RMDN2: variants seen among roughly 807,000 people sequenced by gnomAD.
RMDN2 encodes the protein regulator of microtubule dynamics 2, also known as regulator of microtubule dynamics protein 2.
Under a neutral mutation model 52.8 loss-of-function variants are expected in RMDN2, and 61 were observed. The observed-to-expected ratio is 1.16, with a 90% confidence interval of 0.94 to 1.43. The LOEUF (loss-of-function observed/expected upper bound fraction) is 1.43, where lower values mean the gene tolerates loss of function less well. Among genes scored for constraint, RMDN2 ranks in the 40% most tolerant of loss-of-function variants. The pLI is 0.00. For synonymous variants in RMDN2, 180 were observed against 153.1 expected (o/e 1.18, Z -1.30); for missense variants, 592 against 475.3 (o/e 1.25, Z -2.28).
At chr2:38,054,718 CTT>C (rs1156754257) in intron 10 of RMDN2, among the ~76,000 whole-genome samples, 1 of 152,168 alleles carries the variant, frequency 6.6e-6, no homozygotes, top group Non-Finnish European at 1.5e-5. Flanking sequence ...TCTCTTCTCT[CTT>C]CTCTACCATC....
Position 37,970,336 on chromosome 2 carries a change from C to G in RMDN2, c.453-3704C>G, listed in dbSNP as rs145455910. Among the ~76,000 whole-genome samples the G allele has an allele frequency of 3.4e-3, 521 of 152,202 alleles. 8 individuals carry two copies. The highest frequency in any genetic ancestry group is 2.9e-3 in the Non-Finnish European group (195 of 68,002). On this transcript the variant is annotated intron_variant, in intron 2 of 10. Coordinates refer to ENST00000354545, the MANE Select transcript of RMDN2 (RefSeq NM_001170791.3). The stretch of plus-strand genomic sequence containing the variant: ...TTGATCAGATAGGTCTCATCTGTTG[C>G]GCCAGAGAAATTGTCTAATGTCAAA...
At chr2:37,995,644 T>G (rs1675439072) in intron 7 of RMDN2, among the ~76,000 whole-genome samples, 1 of 152,194 alleles carries the variant, frequency 6.6e-6, no homozygotes, top group African/African-American at 2.4e-5. Flanking sequence ...ATAAGCTTGA[T>G]CTAATAAATA....
chr2:38,009,816 C>T (rs1272161731), intron 10 of RMDN2, among the ~76,000 whole-genome samples: 2 of 152,118 alleles, frequency 1.3e-5, no homozygotes, highest in Admixed American at 1.3e-4. Context: ...TTTTTCTGCT[C>T]TGTTTTTTCC....
chr2:37,988,439 G>A (rs1181339357), intron 5 of RMDN2, among the ~76,000 whole-genome samples: 1 of 152,094 alleles, frequency 6.6e-6, no homozygotes, highest in African/African-American at 2.4e-5. Context: ...AGCAGATTCT[G>A]TTGATTATAC....
chr2:38,039,087 CACACACAGAGAG>C (rs754596473), intron 10 of RMDN2, among the ~76,000 whole-genome samples: 3,788 of 113,756 alleles, frequency 0.033, 91 homozygotes, highest in Non-Finnish European at 0.045. Flanking sequence ...CACACACACA[CACACACAGAGAG>C]AGAGATAAAA....
At position 37,989,286 on chromosome 2, in the gene RMDN2, C is replaced by T. The variant is rs114516254; in HGVS notation, c.792-255C>T. On this transcript the variant is annotated intron_variant, in intron 5 of 10. Transcript: ENST00000354545. ...CTTATGTCCTGGTCACTGTTCTAATCACACTACCTGTTTTGGCTTATTTTA... is the reference window on the plus strand; with the variant it reads ...CTTATGTCCTGGTCACTGTTCTAATTACACTACCTGTTTTGGCTTATTTTA... Among the ~76,000 whole-genome samples, 643 of 152,224 alleles carry T rather than the reference C, an allele frequency of 4.2e-3. 8 individuals are homozygous for T. Among genetic ancestry groups the T allele is most frequent in the African/African-American group, 0.014 (592 of 41,542 alleles).
intron 2 of RMDN2, among the ~76,000 whole-genome samples, chr2:37,933,324 A>T (rs553814788): frequency 2.6e-5 from 4 of 151,054 alleles, no homozygotes; most frequent in Admixed American, 6.6e-5. Flanking sequence ...CACATCCCAG[A>T]CGATGGGCGG....
chr2:38,056,270 T>C (rs116337579), intron 10 of RMDN2, among the ~76,000 whole-genome samples: 1,605 of 152,302 alleles, frequency 0.011, 26 homozygotes, highest in African/African-American at 0.037. Context: ...GCCCAGCTCA[T>C]AGGGCATCTC....
Position 37,975,287 on chromosome 2 carries a change from C to A in RMDN2, c.703C>A (p.Gln235Lys). 1 of 1,602,114 alleles carries A rather than the reference C, an allele frequency of 6.2e-7. No individual in the cohort carries two copies. The highest frequency in any genetic ancestry group is 8.5e-7 in the Non-Finnish European group (1 of 1,169,646). ...GDMYELSTNT[Q>K]EKKHYANIGK... ...CATGTATGAACTATCTACAAACACA[C>A]AAGAAAAGAAACATTATGCTAATAT... The change falls in exon 4 of 11, where the codon CAA becomes AAA. Residue 235 changes from glutamine (Q) to lysine (K), a missense_variant. Transcript: ENST00000354545.
intron 2 of RMDN2, among the ~76,000 whole-genome samples, chr2:37,960,896 A>G (rs1267336564): frequency 1.3e-5 from 2 of 152,192 alleles, no homozygotes; most frequent in Non-Finnish European, 2.9e-5. Context: ...TGGTTACCAA[A>G]TCCCTCAGCA....
At chr2:38,016,533 C>A (rs767772399) in intron 10 of RMDN2, among the ~76,000 whole-genome samples, 1 of 152,180 alleles carries the variant, frequency 6.6e-6, no homozygotes, top group Non-Finnish European at 1.5e-5. Context: ...TGAATATGAT[C>A]TGTGTGGGAA....
intron 2 of RMDN2, among the ~76,000 whole-genome samples, chr2:37,945,755 G>A (rs1179425146): frequency 1.3e-5 from 2 of 152,114 alleles, no homozygotes; most frequent in African/African-American, 4.8e-5. Flanking sequence ...TGAGGTTTTA[G>A]ACACAAGGCA....
chr2:37,946,117 C>T (rs1042641178), intron 2 of RMDN2, among the ~76,000 whole-genome samples: 5 of 152,102 alleles, frequency 3.3e-5, no homozygotes, highest in South Asian at 2.1e-4. Context: ...AAAATCAAAT[C>T]GTATCTTACC....
At chr2:37,936,737 G>T (rs1250840175) in intron 2 of RMDN2, among the ~76,000 whole-genome samples, 1 of 152,130 alleles carries the variant, frequency 6.6e-6, no homozygotes, top group Non-Finnish European at 1.5e-5. Flanking sequence ...TTTTGATGGG[G>T]TTGTTTGCTT....
chr2:37,944,848 T>C (rs1558450958), intron 2 of RMDN2, among the ~76,000 whole-genome samples: 1 of 152,190 alleles, frequency 6.6e-6, no homozygotes, highest in Non-Finnish European at 1.5e-5. Context: ...ACCTGAGAGA[T>C]ACTTGAGCGT....
At chr2:37,976,131 C>G (rs1672430391) in intron 4 of RMDN2, among the ~76,000 whole-genome samples, 1 of 152,146 alleles carries the variant, frequency 6.6e-6, no homozygotes, top group South Asian at 2.1e-4. Flanking sequence ...TTGTTAAAAA[C>G]TCTGTTTGAT....
downstream of RMDN2, among the ~76,000 whole-genome samples, chr2:38,021,564 TCA>T (rs2125258309): frequency 6.6e-6 from 1 of 151,728 alleles, no homozygotes; most frequent in Non-Finnish European, 1.5e-5. Context: ...CATCCGAACA[TCA>T]GAAGGAACAA....
intron 10 of RMDN2, among the ~76,000 whole-genome samples, chr2:38,024,360 T>G (rs540920419): frequency 2.6e-5 from 4 of 152,278 alleles, no homozygotes; most frequent in African/African-American, 9.6e-5. Flanking sequence ...GGTCAAACTG[T>G]TTTCCAAAGT....
At chr2:37,934,502 G>T (rs1242922071) in intron 2 of RMDN2, among the ~76,000 whole-genome samples, 7 of 151,870 alleles carry the variant, frequency 4.6e-5, no homozygotes, top group South Asian at 2.1e-4. Context: ...AAGCATCTTT[G>T]CTTCTTGGTA....
Sources: allele counts gnomAD v4.1 joint callset (sites outside exome capture counted in the v4.1 genomes callset), GRCh38; gene constraint gnomAD v4.1.1; transcripts MANE v1.5; gene names NCBI Gene and HGNC (gene_info 2026-07-23, HGNC 2026-07-21).